The following CBL variants were observed in gnomAD, a reference collection of about 807,000 sequenced individuals.
The protein encoded by CBL is E3 ubiquitin-protein ligase CBL.
In CBL, 45 loss-of-function variants were observed where a neutral mutation model predicts 96.9. The observed-to-expected ratio is 0.46, with a 90% CI of 0.37 to 0.60. The LOEUF (loss-of-function observed/expected upper bound fraction) is 0.60, where lower values mean the gene tolerates loss of function less well. CBL is among the 20% of genes least tolerant of loss of function. The pLI is 0.00. For synonymous variants in CBL, 420 were observed against 426.8 expected, an observed-to-expected ratio of 0.98 and a Z score of 0.20; for missense variants, 1,024 against 1,143.5, an observed-to-expected ratio of 0.90 and a Z score of 1.51.
chr11:119,266,267 CT>C (rs1222059664), intron 2 of CBL, among the ~76,000 whole-genome samples: 1 of 152,016 alleles, frequency 6.6e-6, no homozygotes, highest in African/African-American at 2.4e-5. Flanking sequence ...TACAAGATAA[CT>C]TTTTCAGTAT....
chr11:119,248,281 A>G lies in CBL; in HGVS notation c.443+15586A>G, dbSNP rs145395293. ...TACTGGTATAAGGATAGACATACAG[A>G]CCAGTAGACTAGAATTGAGAGCCCA... On this transcript the variant is annotated intron_variant, in intron 2 of 15. Transcript: ENST00000264033. Among the ~76,000 whole-genome samples the G allele has an allele frequency of 1.6e-3, 251 of 152,370 alleles. 1 individual carries two copies. Among genetic ancestry groups the G allele is most frequent in the East Asian group, 0.013 (66 of 5,188 alleles).
chr11:119,258,239 CAAAA>C (rs960768104), intron 2 of CBL, among the ~76,000 whole-genome samples: 1 of 151,928 alleles, frequency 6.6e-6, no homozygotes, highest in Non-Finnish European at 1.5e-5. Context: ...AAAAACAAAA[CAAAA>C]CAAAAAACAA....
chr11:119,209,088 G>T (rs1949297228), intron 1 of CBL, among the ~76,000 whole-genome samples: 1 of 152,148 alleles, frequency 6.6e-6, no homozygotes, highest in African/African-American at 2.4e-5. Context: ...ACTTTCTAAT[G>T]TGTTAGTCTG....
chr11:119,266,018 C>CAAAAA (rs398017759), intron 2 of CBL, among the ~76,000 whole-genome samples: 1,407 of 75,802 alleles, frequency 0.019, 26 homozygotes, highest in Middle Eastern at 0.057. Flanking sequence ...GACTCCATCT[C>CAAAAA]AAAAAAAAAA....
Position 119,240,258 on chromosome 11 carries a change from T to TG in CBL, c.443+7564dup, listed in dbSNP as rs556137365. Among the ~76,000 whole-genome samples the TG allele has an allele frequency of 1.5e-4, 22 of 150,960 alleles. No individual in the cohort carries two copies. In the South Asian group the frequency reaches 4.6e-3, roughly 32 times the overall value. The stretch of plus-strand genomic sequence containing the variant: ...TTGCGGTGAGCTGAGATCATGCCCC[T>TG]GCACTCCAGCCTGGGTGACAGGGTG... On this transcript the variant is annotated intron_variant, in intron 2 of 15. Transcript: ENST00000264033.
In CBL at chr11:119,287,893, C is replaced by T. The variant is rs1178196473; in HGVS notation, c.1983C>T (p.His661=). ...SSPLVGPECD[H]PKIKPSSSAN... is the part of the protein sequence containing the mutation. ...CATTAGTAGGTCCAGAGTGTGACCACCCCAAAATCAAACCTTCCTCATCTG... is the reference window on the plus strand; with the variant it reads ...CATTAGTAGGTCCAGAGTGTGACCATCCCAAAATCAAACCTTCCTCATCTG... Residue 661 remains histidine, a synonymous_variant, in exon 12 of 16, where the codon CAC becomes CAT. Transcript: ENST00000264033. The T allele has an allele frequency of 1.2e-6, 2 of 1,613,738 alleles. No homozygotes were observed. Among genetic ancestry groups the T allele is most frequent in the Non-Finnish European group, 1.7e-6 (2 of 1,179,636 alleles).
At chr11:119,242,798 T>C (rs531938125) in intron 2 of CBL, among the ~76,000 whole-genome samples, 2 of 151,996 alleles carry the variant, frequency 1.3e-5, no homozygotes, top group South Asian at 4.2e-4. Flanking sequence ...ATTGTTTCTT[T>C]TGGCTTGCAA....
chr11:119,297,466 G>C lies in CBL; in HGVS notation c.2236G>C (p.Glu746Gln). ...TCAGTCCCAGGCGCCATCTATCACC[G>C]AGAGCAGCACCTTTGGTAAGTTGCC... ...NIQSQAPSIT[E>Q]SSTFGEGNLA... The change falls in exon 14 of 16, where the codon GAG becomes CAG. Residue 746 changes from glutamate to glutamine, a missense_variant. Physicochemically the swap from Glu to Gln is conservative, Grantham distance 29. Transcript: ENST00000264033. The C allele has an allele frequency of 3.1e-6, 5 of 1,611,356 alleles. No homozygotes were observed. The highest frequency in any genetic ancestry group is 4.2e-6 in the Non-Finnish European group (5 of 1,178,110).
Position 119,206,490 on chromosome 11 carries a change from C to G in CBL, c.73C>G (p.Leu25Val). Residue 25 changes from leucine (L) to valine (V), a missense_variant, in exon 1 of 16, where the codon CTG (leucine) becomes GTG (valine). Leu to Val is a conservative substitution (Grantham distance 32). Coordinates refer to ENST00000264033, the MANE Select transcript of CBL (RefSeq NM_005188.4). ...CTCCGGGGGCTCGGGTTCGGGTGGCCTGATTGGGCTCATGAAGGACGCCTT... is the reference window on the plus strand; with the variant it reads ...CTCCGGGGGCTCGGGTTCGGGTGGCGTGATTGGGCTCATGAAGGACGCCTT... ...SGSGGSGSGG[L>V]IGLMKDAFQP... The G allele has an allele frequency of 6.4e-7, 1 of 1,571,692 alleles. No individual in the cohort carries two copies. The highest frequency in any genetic ancestry group is 8.6e-7 in the Non-Finnish European group (1 of 1,160,978).
Position 119,297,005 on chromosome 11 carries a change from A to T in CBL, c.2124A>T (p.Leu708=). 6.2e-7 allele frequency: 1 copy of T among 1,601,796 alleles called. No homozygotes were observed. The highest frequency in any genetic ancestry group is 8.6e-7 in the Non-Finnish European group (1 of 1,168,692). ...TEYMTPSSRP[L]RPLDTSQSSR... ...ACATGACTCCCTCTTCCAGGCCTCT[A>T]CGGCCTTTGGATACATCCCAGAGTT... The change falls in exon 13 of 16, where the codon CTA becomes CTT. Residue 708 remains leucine (L), a synonymous_variant. Coordinates refer to ENST00000264033, the MANE Select transcript of CBL (RefSeq NM_005188.4).
intron 1 of CBL, among the ~76,000 whole-genome samples, chr11:119,213,258 A>G (rs1949332651): frequency 6.6e-6 from 1 of 152,208 alleles, no homozygotes; most frequent in Non-Finnish European, 1.5e-5. Flanking sequence ...AGAATTTGCA[A>G]ATTAGTATAT....
chr11:119,255,693 A>G (rs138105037), intron 2 of CBL, among the ~76,000 whole-genome samples: 1 of 152,178 alleles, frequency 6.6e-6, no homozygotes, highest in Non-Finnish European at 1.5e-5. Flanking sequence ...ATCTTCCTGT[A>G]TTTGTGAACA....
chr11:119,220,672 AT>A (rs1949400927), intron 1 of CBL, among the ~76,000 whole-genome samples: 1 of 152,150 alleles, frequency 6.6e-6, no homozygotes, highest in Admixed American at 6.6e-5. Context: ...TATTGAATGT[AT>A]TTTTTCTGCA....
intron 1 of CBL, among the ~76,000 whole-genome samples, chr11:119,230,339 A>T (rs1012934303): frequency 3.9e-5 from 6 of 152,022 alleles, no homozygotes; most frequent in Admixed American, 6.6e-5. Flanking sequence ...TTTTTAGTAG[A>T]GACGGGGTTT....
intron 1 of CBL, among the ~76,000 whole-genome samples, chr11:119,219,597 A>AG (rs1360078475): frequency 6.6e-6 from 1 of 151,904 alleles, no homozygotes. Context: ...CCTAAGATAA[A>AG]GGGGGACCAC....
At chr11:119,267,996 C>G (rs1332116434) in intron 2 of CBL, among the ~76,000 whole-genome samples, 5 of 152,078 alleles carry the variant, frequency 3.3e-5, no homozygotes, top group African/African-American at 1.2e-4. Context: ...CAGGCAAAGG[C>G]CGAGAAACAA....
chr11:119,304,403 G>A lies in CBL; in HGVS notation c.*4622G>A, dbSNP rs994824461. On this transcript the variant is annotated 3_prime_UTR_variant, in exon 16 of 16. Transcript: ENST00000264033. ...ATGTTCAAGCGGAATAAAGGAGGGA[G>A]TGGAGTTGTGGTAAGGATGCAGGGT... 1 of 233,108 alleles carries A rather than the reference G, an allele frequency of 4.3e-6. No individual in the cohort carries two copies. The highest frequency in any genetic ancestry group is 8.5e-6 in the Non-Finnish European group (1 of 118,060). The allele number at this position is 233,108 out of a possible 1,614,324, so 14.4% of individuals were successfully genotyped here.
chr11:119,210,622 T>TG, intron 1 of CBL, among the ~76,000 whole-genome samples: 2 of 148,368 alleles, frequency 1.3e-5, no homozygotes, highest in Non-Finnish European at 3.0e-5. Flanking sequence ...TTTTTTTTTT[T>TG]TTTTTTACTA....
chr11:119,264,940 G>T (rs772264708), intron 2 of CBL, among the ~76,000 whole-genome samples: 2 of 151,920 alleles, frequency 1.3e-5, no homozygotes, highest in South Asian at 4.1e-4. Flanking sequence ...GCCGTGGTAC[G>T]ATCTTTGCTC....
Sources: gnomAD v4.1 joint callset for allele counts (sites outside exome capture counted in the v4.1 genomes callset) on GRCh38, gnomAD v4.1.1 for gene constraint, MANE v1.5 for transcripts, NCBI Gene and HGNC (gene_info 2026-07-23, HGNC 2026-07-21) for gene names.